FGGY: variants seen among roughly 807,000 people sequenced by gnomAD.
FGGY encodes FGGY carbohydrate kinase domain containing.
Under a neutral mutation model 71.3 loss-of-function variants are expected in FGGY, and 72 were observed. That is an observed-to-expected ratio of 1.01 (90% CI 0.84 to 1.23). FGGY has a LOEUF of 1.23. Ranked by LOEUF, FGGY falls within the 50% of genes most tolerant of loss-of-function variation. The pLI is 0.00. For synonymous variants in FGGY, 251 were observed against 250.3 expected, an observed-to-expected ratio of 1.00 and a Z score of -0.02; for missense variants, 668 against 682.3, an observed-to-expected ratio of 0.98 and a Z score of 0.23.
chr1:59,668,841 A>T (rs2097348837), intron 13 of FGGY, among the ~76,000 whole-genome samples: 2 of 151,890 alleles, frequency 1.3e-5, no homozygotes, highest in African/African-American at 4.8e-5. Context: ...AAAAAAAAAA[A>T]TTAGCCAGGC....
rs190341422 is a variant in FGGY at position 59,370,405 on chromosome 1, G to C, written c.466-8344G>C. Among the ~76,000 whole-genome samples, 282 of 152,322 alleles carry C rather than the reference G, an allele frequency of 1.9e-3. 1 individual carries two copies. The highest frequency in any genetic ancestry group is 6.5e-3 in the African/African-American group (272 of 41,552). ...AAGCCTCCAAGAAATATGGGACTAT[G>C]TGGAAAGACCAAATCTACGTCTGAT... is the stretch of plus-strand genomic sequence containing the variant. On this transcript the variant is annotated intron_variant, in intron 4 of 15. Coordinates refer to ENST00000303721, the MANE Select transcript of FGGY (RefSeq NM_018291.5).
chr1:59,499,926 T>A (rs181719559), intron 6 of FGGY, among the ~76,000 whole-genome samples: 64 of 152,342 alleles, frequency 4.2e-4, no homozygotes, highest in Non-Finnish European at 6.8e-4. Flanking sequence ...TGTATGTGTG[T>A]GTGTGTAAAT....
chr1:59,305,300 A>T (rs1054572157), intron 1 of FGGY, among the ~76,000 whole-genome samples: 2 of 152,188 alleles, frequency 1.3e-5, no homozygotes, highest in African/African-American at 4.8e-5. Flanking sequence ...CTTTTGCAGA[A>T]TCTATTGAGA....
intron 14 of FGGY, among the ~76,000 whole-genome samples, chr1:59,687,037 A>G (rs182332604): frequency 6.6e-6 from 1 of 152,326 alleles, no homozygotes; most frequent in African/African-American, 2.4e-5. Context: ...TATATTACTG[A>G]AAGGTGGCTG....
At chr1:59,687,192 C>G (rs1406431112) in intron 14 of FGGY, among the ~76,000 whole-genome samples, 1 of 152,184 alleles carries the variant, frequency 6.6e-6, no homozygotes, top group South Asian at 2.1e-4. Context: ...GATGTGCAGG[C>G]AGAAGTCAGG....
intron 5 of FGGY, among the ~76,000 whole-genome samples, chr1:59,412,410 G>A (rs1185705196): frequency 6.6e-6 from 1 of 152,154 alleles, no homozygotes; most frequent in Admixed American, 6.5e-5. Flanking sequence ...GTCACTTCTA[G>A]TGGGGCCATC....
chr1:59,505,893 C>T (rs1017542164), intron 6 of FGGY, among the ~76,000 whole-genome samples: 3 of 151,918 alleles, frequency 2.0e-5, no homozygotes, highest in Non-Finnish European at 4.4e-5. Context: ...TAATAGGAGC[C>T]CCCGCCTGTG....
intron 11 of FGGY, among the ~76,000 whole-genome samples, chr1:59,650,460 C>T (rs2097146577): frequency 9.1e-6 from 1 of 109,552 alleles, no homozygotes; most frequent in Non-Finnish European, 1.7e-5. Context: ...GATTCAACTT[C>T]TTCCTGGTTT....
intron 14 of FGGY, among the ~76,000 whole-genome samples, chr1:59,722,896 A>G (rs2097909451): frequency 6.6e-6 from 1 of 152,206 alleles, no homozygotes; most frequent in African/African-American, 2.4e-5. Flanking sequence ...TCCCAGGTTC[A>G]TGCCATTCTC....
At chr1:59,483,574 G>C (rs2093569313) in intron 6 of FGGY, among the ~76,000 whole-genome samples, 1 of 152,088 alleles carries the variant, frequency 6.6e-6, no homozygotes, top group Non-Finnish European at 1.5e-5. Flanking sequence ...TCTGTATCTA[G>C]TTCGATTCTG....
chr1:59,553,278 G>A (rs767071565), intron 7 of FGGY, among the ~76,000 whole-genome samples: 6 of 152,182 alleles, frequency 3.9e-5, no homozygotes, highest in Non-Finnish European at 5.9e-5. Flanking sequence ...GCAAGTCTGC[G>A]TGTTTGTGGC....
intron 8 of FGGY, among the ~76,000 whole-genome samples, chr1:59,566,551 A>G (rs1322586444): frequency 1.3e-5 from 2 of 152,162 alleles, no homozygotes; most frequent in Non-Finnish European, 2.9e-5. Flanking sequence ...TTTTTGAGCA[A>G]TCAGCACTGA....
chr1:59,734,105 A>G (rs1054445875), intron 14 of FGGY, among the ~76,000 whole-genome samples: 1 of 152,188 alleles, frequency 6.6e-6, no homozygotes, highest in African/African-American at 2.4e-5. Flanking sequence ...TATCTGCTCC[A>G]ACAACACAGC....
intron 5 of FGGY, among the ~76,000 whole-genome samples, chr1:59,415,557 G>C (rs2064250733): frequency 6.6e-6 from 1 of 152,154 alleles, no homozygotes; most frequent in South Asian, 2.1e-4. Flanking sequence ...CATTTCTTAC[G>C]ATGTGCCCAT....
chr1:59,686,532 TA>T (rs1399264856), intron 14 of FGGY, among the ~76,000 whole-genome samples: 1 of 152,190 alleles, frequency 6.6e-6, no homozygotes, highest in Non-Finnish European at 1.5e-5. Flanking sequence ...GGACAATTGC[TA>T]CCCTATGAAA....
chr1:59,467,185 G>A lies in FGGY; in HGVS notation c.670+10109G>A, dbSNP rs199835718. 9.9e-5 allele frequency among the ~76,000 whole-genome samples: 15 copies of A among 152,252 alleles called. No homozygotes were observed. In the East Asian group the frequency reaches 2.9e-3, roughly 29 times the overall value. ...ACTATGCAGCAATAAAACAGGATGA[G>A]TACATGTCTTTTGTAGGGACATGGA... On this transcript the variant is annotated intron_variant, in intron 6 of 15. Coordinates refer to ENST00000303721, the MANE Select transcript of FGGY (RefSeq NM_018291.5).
At chr1:59,324,695 T>C (rs2047069041) in intron 2 of FGGY, among the ~76,000 whole-genome samples, 1 of 152,240 alleles carries the variant, frequency 6.6e-6, no homozygotes, top group Non-Finnish European at 1.5e-5. Flanking sequence ...AAGGGGACGC[T>C]GTCCCTGCCA....
intron 7 of FGGY, among the ~76,000 whole-genome samples, chr1:59,514,105 A>G (rs1285684854): frequency 6.6e-6 from 1 of 152,210 alleles, no homozygotes; most frequent in Non-Finnish European, 1.5e-5. Flanking sequence ...GTTTTTACAT[A>G]CAAGCACAGA....
chr1:59,621,755 T>G (rs2096810129), intron 9 of FGGY, among the ~76,000 whole-genome samples: 1 of 152,054 alleles, frequency 6.6e-6, no homozygotes, highest in Non-Finnish European at 1.5e-5. Flanking sequence ...TTTCAAATTT[T>G]CTCTTAATCT....
Sources: gnomAD v4.1 joint callset for allele counts (sites outside exome capture counted in the v4.1 genomes callset) on GRCh38, gnomAD v4.1.1 for gene constraint, MANE v1.5 for transcripts, NCBI Gene and HGNC (gene_info 2026-07-23, HGNC 2026-07-21) for gene names.